WWOX: variants seen among roughly 807,000 people sequenced by gnomAD.
WWOX encodes the protein WW domain-containing oxidoreductase.
A neutral mutation model predicts 46.2 loss-of-function variants in WWOX; 69 were observed. The observed-to-expected ratio is 1.49, with a 90% confidence interval of 1.23 to 1.82. The LOEUF (loss-of-function observed/expected upper bound fraction) is 1.82, where lower values mean the gene tolerates loss of function less well. WWOX is among the 40% of genes most tolerant of loss of function. The pLI is 0.00. For synonymous variants in WWOX, 359 were observed against 202.6 expected (o/e 1.77, Z -6.56); for missense variants, 919 against 542.6 (o/e 1.69, Z -6.89).
At chr16:78,883,597 A>T (rs2044388888) in intron 8 of WWOX, among the ~76,000 whole-genome samples, 1 of 151,948 alleles carries the variant, frequency 6.6e-6, no homozygotes, top group African/African-American at 2.4e-5. Flanking sequence ...GGTGGTGCCC[A>T]CCTGTAATCC....
chr16:78,736,554 C>T (rs62036145), intron 8 of WWOX, among the ~76,000 whole-genome samples: 1 of 151,000 alleles, frequency 6.6e-6, no homozygotes, highest in Non-Finnish European at 1.5e-5. Context: ...CAATGTTTTC[C>T]TTTTCTTCTC....
intron 8 of WWOX, among the ~76,000 whole-genome samples, chr16:78,633,175 T>C (rs1259704637): frequency 6.6e-6 from 1 of 152,048 alleles, no homozygotes; most frequent in Non-Finnish European, 1.5e-5. Context: ...GGCAGGAGAA[T>C]CGCTTGAGCC....
At chr16:78,304,565 A>G (rs904920874) in intron 5 of WWOX, among the ~76,000 whole-genome samples, 3 of 152,178 alleles carry the variant, frequency 2.0e-5, no homozygotes, top group Admixed American at 1.3e-4. Flanking sequence ...ACTTCACAAT[A>G]TTTCATAGAG....
intron 8 of WWOX, among the ~76,000 whole-genome samples, chr16:79,201,757 T>G (rs1024105795): frequency 7.9e-5 from 12 of 151,606 alleles, no homozygotes; most frequent in Non-Finnish European, 1.8e-4. Context: ...CTTCCTGACT[T>G]TTTTCTTCCA....
intron 8 of WWOX, among the ~76,000 whole-genome samples, chr16:79,121,309 G>T (rs981672032): frequency 4.0e-4 from 61 of 152,230 alleles, no homozygotes; most frequent in African/African-American, 8.7e-4. Context: ...GTGAAAACTC[G>T]CTCATGATAT....
intron 6 of WWOX, among the ~76,000 whole-genome samples, chr16:78,424,107 CTTTTTTTTTTTTGT>C (rs1183856431): frequency 2.0e-5 from 2 of 102,124 alleles, no homozygotes; most frequent in Non-Finnish European, 4.1e-5. Context: ...CTTTTCTTTT[CTTTTTTTTTTTTGT>C]TTTTTTTTTT....
At chr16:78,188,347 A>G (rs1406405040) in intron 5 of WWOX, among the ~76,000 whole-genome samples, 2 of 151,902 alleles carry the variant, frequency 1.3e-5, no homozygotes, top group Non-Finnish European at 2.9e-5. Flanking sequence ...AAATTAGCCA[A>G]TGTGGTGGTG....
At chr16:79,107,025 G>T (rs1196477097) in intron 8 of WWOX, among the ~76,000 whole-genome samples, 1 of 151,908 alleles carries the variant, frequency 6.6e-6, no homozygotes, top group African/African-American at 2.4e-5. Flanking sequence ...TGGCCAGGCT[G>T]GTCTCGATCT....
intron 8 of WWOX, among the ~76,000 whole-genome samples, chr16:78,841,085 A>C (rs2052132012): frequency 1.3e-5 from 2 of 152,132 alleles, no homozygotes; most frequent in Non-Finnish European, 2.9e-5. Context: ...CTGTGCCCCC[A>C]GACATTCATT....
At chr16:78,433,194 C>G (rs950647450) in intron 8 of WWOX, among the ~76,000 whole-genome samples, 5 of 152,210 alleles carry the variant, frequency 3.3e-5, no homozygotes, top group Admixed American at 2.6e-4. Context: ...AAAACTGTAT[C>G]TTTTGTTCTA....
At chr16:78,887,076 T>G (rs2044475220) in intron 8 of WWOX, among the ~76,000 whole-genome samples, 7 of 135,248 alleles carry the variant, frequency 5.2e-5, no homozygotes, top group Admixed American at 2.2e-4. Context: ...TGTGTGTGTG[T>G]GGTGTGTGTG....
At chr16:78,175,932 A>G (rs747530855) in intron 5 of WWOX, among the ~76,000 whole-genome samples, 3 of 152,122 alleles carry the variant, frequency 2.0e-5, no homozygotes, top group Non-Finnish European at 2.9e-5. Context: ...TGTGCAAGGA[A>G]TCCTAAGTTC....
At chr16:78,334,496 A>G (rs1464619915) in intron 5 of WWOX, among the ~76,000 whole-genome samples, 1 of 152,184 alleles carries the variant, frequency 6.6e-6, no homozygotes, top group African/African-American at 2.4e-5. Context: ...TTCATAGCCT[A>G]ATGGCAAAAA....
In WWOX at chr16:78,323,538, T is replaced by G. The variant is rs1308744415; in HGVS notation, c.517-63322T>G. Among the ~76,000 whole-genome samples the G allele has an allele frequency of 3.3e-5, 5 of 152,278 alleles. No individual in the cohort carries two copies. In the East Asian group the frequency reaches 7.7e-4, roughly 24 times the overall value. ...AGCTCTATTTAAACTAATAGGTTAC[T>G]GGGTTTGAACATGCCATGCAGTGGG... On this transcript the variant is annotated intron_variant, in intron 5 of 8. Coordinates refer to ENST00000566780, the MANE Select transcript of WWOX (RefSeq NM_016373.4).
intron 8 of WWOX, among the ~76,000 whole-genome samples, chr16:78,792,479 C>G (rs1291372160): frequency 6.6e-6 from 1 of 152,142 alleles, no homozygotes; most frequent in Non-Finnish European, 1.5e-5. Flanking sequence ...GGAAGTATGT[C>G]CCACTTACAG....
At chr16:78,714,812 C>T (rs2142334225) in intron 8 of WWOX, among the ~76,000 whole-genome samples, 1 of 152,154 alleles carries the variant, frequency 6.6e-6, no homozygotes, top group South Asian at 2.1e-4. Context: ...AAGGTGAGGA[C>T]TTAAGATTTT....
intron 5 of WWOX, among the ~76,000 whole-genome samples, chr16:78,351,893 G>T (rs944526133): frequency 6.6e-6 from 1 of 152,154 alleles, no homozygotes; most frequent in African/African-American, 2.4e-5. Context: ...GTGACCTTAG[G>T]TGATATGCGC....
At chr16:78,950,207 C>T (rs921821895) in intron 8 of WWOX, among the ~76,000 whole-genome samples, 3 of 152,168 alleles carry the variant, frequency 2.0e-5, no homozygotes, top group Admixed American at 6.6e-5. Flanking sequence ...CATCCTTTTC[C>T]AATATTCCCT....
intron 8 of WWOX, among the ~76,000 whole-genome samples, chr16:78,906,903 C>A (rs61305399): frequency 0.22 from 32,859 of 151,958 alleles, 4,175 homozygotes; most frequent in Non-Finnish European, 0.29. Context: ...GTGTGTGTGT[C>A]TGTGAATAAA....
Sources: allele counts gnomAD v4.1 joint callset (sites outside exome capture counted in the v4.1 genomes callset), GRCh38; gene constraint gnomAD v4.1.1; transcripts MANE v1.5; gene names NCBI Gene and HGNC (gene_info 2026-07-23, HGNC 2026-07-21).